Variants in CIT observed in about 807,000 individuals in gnomAD.
CIT encodes the protein citron Rho-interacting kinase.
Under a neutral mutation model 272.7 loss-of-function variants are expected in CIT, and 79 were observed. That is an observed-to-expected ratio of 0.29 (90% CI 0.24 to 0.35). The LOEUF (loss-of-function observed/expected upper bound fraction) is 0.35. Among genes scored for constraint, CIT ranks in the 10% least tolerant of loss-of-function variants. The pLI is 1.00. For synonymous variants in CIT, 948 were observed against 995.6 expected, an observed-to-expected ratio of 0.95 and a Z score of 0.90; for missense variants, 1,909 against 2,618.3, an observed-to-expected ratio of 0.73 and a Z score of 5.91.
chr12:119,844,208 G>A (rs776662914), intron 5 of CIT, among the ~76,000 whole-genome samples: 12 of 151,978 alleles, frequency 7.9e-5, no homozygotes, highest in Non-Finnish European at 1.6e-4. Context: ...TCTTAGTAGA[G>A]ACGGGGTTTC....
At chr12:119,715,475 G>C (rs1346281036) in intron 32 of CIT, among the ~76,000 whole-genome samples, 1 of 152,094 alleles carries the variant, frequency 6.6e-6, no homozygotes, top group Non-Finnish European at 1.5e-5. Flanking sequence ...ATGTCTAAGA[G>C]AGCAGATCGA....
intron 5 of CIT, among the ~76,000 whole-genome samples, chr12:119,839,300 T>C (rs899582680): frequency 6.6e-5 from 10 of 152,222 alleles, no homozygotes; most frequent in African/African-American, 1.9e-4. Flanking sequence ...GGGGTGAATA[T>C]TGAACAGTTC....
At chr12:119,837,399 G>A (rs1969087084) in intron 5 of CIT, among the ~76,000 whole-genome samples, 2 of 152,182 alleles carry the variant, frequency 1.3e-5, no homozygotes, top group Non-Finnish European at 2.9e-5. Flanking sequence ...GGACTTGAGT[G>A]CTTTCATAAA....
chr12:119,856,881 G>A (rs906160550), intron 4 of CIT, among the ~76,000 whole-genome samples: 12 of 152,196 alleles, frequency 7.9e-5, no homozygotes, highest in African/African-American at 2.7e-4. Flanking sequence ...CTGCAGAGCT[G>A]GGTACATTAT....
Position 119,811,943 on chromosome 12 carries a change from ATTT to A in CIT, c.1112-8557_1112-8555del, listed in dbSNP as rs35887106. ...TCACCCTGGTGGATATTCCCCAGGAATTTTTTTTTTTTTTTTTTTTGAGACTCA... is the reference window on the plus strand; with the variant it reads ...TCACCCTGGTGGATATTCCCCAGGAATTTTTTTTTTTTTTTTTGAGACTCA... On this transcript the variant is annotated intron_variant, in intron 9 of 47. Coordinates refer to ENST00000392521, the MANE Select transcript of CIT (RefSeq NM_001206999.2). 7.9e-3 allele frequency among the ~76,000 whole-genome samples: 1,027 copies of A among 129,798 alleles called. 8 individuals are homozygous for A. Among genetic ancestry groups the A allele is most frequent in the African/African-American group, 0.028 (992 of 35,068 alleles). 85.2% of individuals were successfully genotyped at this position (129,798 alleles called of 152,430 possible). A position where few individuals can be genotyped will look rare whatever the true frequency, so the allele number is the denominator to read the frequency against.
At chr12:119,696,464 G>A (rs1236729822) in intron 46 of CIT, among the ~76,000 whole-genome samples, 7 of 152,154 alleles carry the variant, frequency 4.6e-5, no homozygotes, top group African/African-American at 1.2e-4. Context: ...CAGTGGTCCC[G>A]TTGCCTTTAT....
intron 43 of CIT, 101 bp downstream of exon 43, chr12:119,701,523 A>T: frequency 7.2e-7 from 1 of 1,388,370 alleles, no homozygotes; most frequent in Non-Finnish European, 9.8e-7. Flanking sequence ...CCCTAGTCAA[A>T]CCTATCCTGC....
chr12:119,809,068 A>G (rs1466815324), intron 9 of CIT, among the ~76,000 whole-genome samples: 1 of 152,208 alleles, frequency 6.6e-6, no homozygotes, highest in Non-Finnish European at 1.5e-5. Context: ...TTTAATCTCA[A>G]GAGCTGGTTA....
chr12:119,789,829 C>T (rs1044991866), intron 10 of CIT, among the ~76,000 whole-genome samples: 2 of 152,050 alleles, frequency 1.3e-5, no homozygotes, highest in Non-Finnish European at 2.9e-5. Context: ...GACTCAGCTC[C>T]CGAGTAGCTG....
Position 119,718,846 on chromosome 12 carries a change from G to C in CIT, c.3856C>G (p.Arg1286Gly). 1 of 1,614,056 alleles carries C rather than the reference G, an allele frequency of 6.2e-7. No individual in the cohort carries two copies. Among genetic ancestry groups the C allele is most frequent in the South Asian group, 1.1e-5 (1 of 91,080 alleles). The change falls in exon 31 of 48, where the codon CGG becomes GGG. Residue 1286 changes from arginine (R) to glycine (G), a missense_variant. Physicochemically the swap from Arg to Gly is moderately radical, Grantham distance 125. Around this residue, in one of 8 missense-constraint regions of CIT, gnomAD observed 780 missense variants for 1,067.2 expected, o/e 0.73. Transcript: ENST00000392521. This position sits in a 1 kb window ranked among gnomAD's most constrained non-coding sequence, Gnocchi z 4.8. ...AKKKKGLFSR[R>G]KEDPALPTQV... ...GTGGGTAAAGCAGGGTCCTCTTTCC[G>C]TCGACTAAATAAACCCTAGCAATGG...
intron 9 of CIT, 120 bp downstream of exon 9, chr12:119,822,700 A>T: frequency 9.6e-7 from 1 of 1,040,588 alleles, no homozygotes; most frequent in Non-Finnish European, 1.4e-6. Context: ...ACTCCTGTAG[A>T]TAATTAAAGC....
rs955976612 is a variant in CIT at position 119,837,919 on chromosome 12, T to G, written c.517-3691A>C. ...CCCACCTCTAATAAAAATTAAAAAT[T>G]TAAAAGAAAATAAAATAGACTCATC... On this transcript the variant is annotated intron_variant, in intron 5 of 47. Coordinates refer to ENST00000392521, the MANE Select transcript of CIT (RefSeq NM_001206999.2). Among the ~76,000 whole-genome samples, 3 of 152,032 alleles carry G rather than the reference T, an allele frequency of 2.0e-5. No homozygotes were observed. In the South Asian group the frequency reaches 6.2e-4, roughly 32 times the overall value.
chr12:119,804,647 T>C lies in CIT; in HGVS notation c.1112-1258A>G, dbSNP rs1966490203. On this transcript the variant is annotated intron_variant, in intron 9 of 47. Transcript: ENST00000392521. The surrounding 1 kb of genome is among the most constrained non-coding windows in gnomAD (Gnocchi z 5.3). ...AGCAGCAAGCAGTCTGTTTTCTGCTTACAGACTCCAAAAAAATCTGGCTGT... is the reference window on the plus strand; with the variant it reads ...AGCAGCAAGCAGTCTGTTTTCTGCTCACAGACTCCAAAAAAATCTGGCTGT... 6.6e-6 allele frequency among the ~76,000 whole-genome samples: 1 copy of C among 152,184 alleles called. No individual in the cohort carries two copies. Among genetic ancestry groups the C allele is most frequent in the South Asian group, 2.1e-4 (1 of 4,828 alleles).
Position 119,770,639 on chromosome 12 carries a change from T to C in CIT, c.2208+146A>G, listed in dbSNP as rs1963015279. 7 of 812,102 alleles carry C rather than the reference T, an allele frequency of 8.6e-6. No homozygotes were observed. Among genetic ancestry groups the C allele is most frequent in the African/African-American group, 1.7e-5 (1 of 58,608 alleles). The allele number at this position is 812,102 out of a possible 1,614,324, so 50.3% of individuals were successfully genotyped here. On this transcript the variant is annotated intron_variant, in intron 18 of 47. Coordinates refer to ENST00000392521, the MANE Select transcript of CIT (RefSeq NM_001206999.2). This position sits in a 1 kb window ranked among gnomAD's most constrained non-coding sequence, Gnocchi z 4.4. ...TTTGGTTATTCATACTACTCTACGATGTGGCATATGCTGAAACCACCTCAC... is the reference window on the plus strand; with the variant it reads ...TTTGGTTATTCATACTACTCTACGACGTGGCATATGCTGAAACCACCTCAC...
intron 44 of CIT, among the ~76,000 whole-genome samples, chr12:119,699,482 C>T (rs1020940255): frequency 2.0e-5 from 3 of 152,162 alleles, no homozygotes; most frequent in African/African-American, 4.8e-5. Flanking sequence ...CTCTGGTATG[C>T]GTGCCCCGGT....
rs1957259501 is a variant in CIT, at chr12:119,713,138, C to T, written c.4579+65G>A. On this transcript the variant is annotated intron_variant, in intron 35 of 47. Transcript: ENST00000392521. This position sits in a 1 kb window ranked among gnomAD's most constrained non-coding sequence, Gnocchi z 5.2. ...GGCAGTCCAAAAAACAAAGCCTTCG[C>T]GCCAGCACTGGGGAGACCTGGGTTA... The T allele has an allele frequency of 1.8e-5, 22 of 1,233,084 alleles. No homozygotes were observed. Among genetic ancestry groups the T allele is most frequent in the South Asian group, 3.9e-5 (3 of 77,010 alleles). The allele number at this position is 1,233,084 out of a possible 1,614,324, so 76.4% of individuals were successfully genotyped here.
intron 4 of CIT, among the ~76,000 whole-genome samples, chr12:119,854,035 T>A (rs561441372): frequency 2.7e-4 from 41 of 151,950 alleles, no homozygotes; most frequent in East Asian, 3.9e-4. Context: ...TAATTTATTT[T>A]TTTTTTTTGA....
rs1208157542 is a variant in CIT at position 119,712,733 on chromosome 12, G to A, written c.4580-38C>T. ...AGGAAGGGCAGAAAGAAAAACAAAA[G>A]AACAGGAACAAGAACAAGGGGAGAA... is the stretch of plus-strand genomic sequence containing the variant. On this transcript the variant is annotated intron_variant, in intron 35 of 47. Transcript: ENST00000392521. This position sits in a 1 kb window ranked among gnomAD's most constrained non-coding sequence, Gnocchi z 5.2. 2 of 1,532,308 alleles carry A rather than the reference G, an allele frequency of 1.3e-6. No individual in the cohort carries two copies. The highest frequency in any genetic ancestry group is 1.1e-5 in the South Asian group (1 of 89,252). The allele number at this position is 1,532,308 out of a possible 1,614,324, so 94.9% of individuals were successfully genotyped here.
chr12:119,787,050 G>A (rs1220013257), intron 10 of CIT, among the ~76,000 whole-genome samples: 2 of 151,918 alleles, frequency 1.3e-5, no homozygotes, highest in African/African-American at 2.4e-5. Context: ...CTGCAGCCTC[G>A]ACTTCCCAGA....
Sources: allele counts gnomAD v4.1 joint callset (sites outside exome capture counted in the v4.1 genomes callset), GRCh38; gene constraint gnomAD v4.1.1; regional missense constraint gnomAD v4.1.1; non-coding constraint Gnocchi (gnomAD v3.1); transcripts MANE v1.5; gene names NCBI Gene and HGNC (gene_info 2026-07-23, HGNC 2026-07-21).